The following PRB4 variants were observed in gnomAD, a reference collection of about 807,000 sequenced individuals.
PRB4 encodes the protein basic salivary proline-rich protein 4.
Under a neutral mutation model 9.1 loss-of-function variants are expected in PRB4, and 14 were observed. That is an observed-to-expected ratio of 1.54 (90% CI 1.02 to 2.41). The LOEUF is 2.41. Ranked by LOEUF, PRB4 falls within the 30% of genes most tolerant of loss-of-function variation. PRB4 has a pLI of 0.00. For synonymous variants in PRB4, 102 were observed against 108.5 expected (o/e 0.94, Z 0.37); for missense variants, 381 against 299.3 (o/e 1.27, Z -2.02).
chr12:11,309,428 T>C, intron 1 of PRB4, 23 bp from the exon 2 acceptor site: 2 of 1,614,054 alleles, frequency 1.2e-6, no homozygotes, highest in Non-Finnish European at 1.7e-6. Context: ...CACAGGATGA[T>C]GGGAAATGTT....
intron 2 of PRB4, 34 bp downstream of exon 2, chr12:11,309,336 A>G: frequency 6.2e-7 from 1 of 1,614,034 alleles, no homozygotes; most frequent in Non-Finnish European, 8.5e-7. Flanking sequence ...AGAAAAAGGG[A>G]GTCAAAACAG....
At chr12:11,309,435 T>G (rs1259767908) in intron 1 of PRB4, 30 bp from the exon 2 acceptor site, 37 of 1,613,930 alleles carry the variant, frequency 2.3e-5, no homozygotes, top group Non-Finnish European at 2.8e-5. Flanking sequence ...TGATGGGAAA[T>G]GTTACATCTC....
Position 11,308,288 on chromosome 12 carries a change from TGAG to T in PRB4, c.692_694del (p.Pro231del), listed in dbSNP as rs2136607216. ...GGCAGGTCTGGGTGGCCTGCCCCCTTGAGGAGGTGGAGGTGGCCCCTGGGGCTT... is the reference window on the plus strand; with the variant it reads ...GGCAGGTCTGGGTGGCCTGCCCCCTTGAGGTGGAGGTGGCCCCTGGGGCTT... On this transcript the variant is annotated inframe_deletion, in exon 3 of 4. Coordinates refer to ENST00000279575, the MANE Select transcript of PRB4 (RefSeq NM_002723.6). 1.2e-6 allele frequency: 2 copies of T among 1,609,130 alleles called. No individual in the cohort carries two copies. The highest frequency in any genetic ancestry group is 1.7e-6 in the Non-Finnish European group (2 of 1,177,818).
rs1248527024 is a variant in PRB4 at position 11,307,152 on chromosome 12, T to A, written c.*66A>T. ...GACCTTGTTCCAATGTCACGGCATTTGTAGCAATTGAATTATTTGAATTCA... is the reference window on the plus strand; with the variant it reads ...GACCTTGTTCCAATGTCACGGCATTAGTAGCAATTGAATTATTTGAATTCA... On this transcript the variant is annotated 3_prime_UTR_variant, in exon 4 of 4. Coordinates refer to ENST00000279575, the MANE Select transcript of PRB4 (RefSeq NM_002723.6). 1.6e-4 allele frequency: 25 copies of A among 154,028 alleles called. No homozygotes were observed. Among genetic ancestry groups the A allele is most frequent in the Non-Finnish European group, 1.5e-5 (1 of 68,036 alleles). 9.5% of individuals were successfully genotyped at this position (154,028 alleles called of 1,614,324 possible).
intron 3 of PRB4, among the ~76,000 whole-genome samples, chr12:11,307,922 G>T (rs894933752): frequency 3.3e-5 from 5 of 152,144 alleles, no homozygotes; most frequent in African/African-American, 1.2e-4. Flanking sequence ...TAAATGGGAG[G>T]TCTCTGAGTT....
In PRB4 at chr12:11,308,430, C is replaced by A; in HGVS notation, c.553G>T (p.Gly185Ter). 1 of 1,612,982 alleles carries A rather than the reference C, an allele frequency of 6.2e-7. No homozygotes were observed. Among genetic ancestry groups the A allele is most frequent in the Non-Finnish European group, 8.5e-7 (1 of 1,179,674 alleles). Residue 185 changes from glycine (G) to a stop codon, truncating the protein, a stop_gained, in exon 3 of 4, where the codon GGA becomes TGA. Transcript: ENST00000279575. LOFTEE classifies it low-confidence loss of function (END_TRUNC). ...TTGTTGCCTTCTTGTTGGGGTGGTCCTTGTGGCTTTCCTGGAGGAGATCGG... is the reference window on the plus strand; with the variant it reads ...TTGTTGCCTTCTTGTTGGGGTGGTCATTGTGGCTTTCCTGGAGGAGATCGG... Reference protein sequence around the residue: ...SARSPPGKPQGPPQQEGNKPQ... With the variant: ...SARSPPGKPQ
At chr12:11,308,924 C>A in intron 2 of PRB4, 42 bp from the exon 3 acceptor site, 1 of 1,611,672 alleles carries the variant, frequency 6.2e-7, no homozygotes, top group South Asian at 1.1e-5. Flanking sequence ...TGAATAGTTG[C>A]CACAAATTTT....
intron 2 of PRB4, 125 bp downstream of exon 2, chr12:11,309,245 C>T: frequency 6.6e-7 from 1 of 1,504,746 alleles, no homozygotes; most frequent in Non-Finnish European, 9.2e-7. Flanking sequence ...TTGCCTATAT[C>T]ATTAGGGGCA....
At chr12:11,307,545 G>C (rs923585246) in intron 3 of PRB4, among the ~76,000 whole-genome samples, 6 of 152,184 alleles carry the variant, frequency 3.9e-5, no homozygotes, top group Non-Finnish European at 7.3e-5. Context: ...TTAAAAAAAT[G>C]TATTTTTTAA....
intron 3 of PRB4, among the ~76,000 whole-genome samples, chr12:11,307,745 A>G (rs544408212): frequency 1.3e-5 from 2 of 152,176 alleles, no homozygotes; most frequent in African/African-American, 2.4e-5. Context: ...TTTCCATTCC[A>G]TTAGATATTT....
At chr12:11,309,843 G>T (rs1863012181) in intron 1 of PRB4, among the ~76,000 whole-genome samples, 1 of 152,128 alleles carries the variant, frequency 6.6e-6, no homozygotes, top group Admixed American at 6.5e-5. Context: ...TGCATGTAGG[G>T]GAGAGAAAAA....
Position 11,310,333 on chromosome 12 carries a change from AC to A in PRB4, c.64+1del. 6.2e-7 allele frequency: 1 copy of A among 1,614,076 alleles called. No homozygotes were observed. The highest frequency in any genetic ancestry group is 8.5e-7 in the Non-Finnish European group (1 of 1,180,000). ...CCGCATCTTTTCCCCCTTCTGTTTT[AC>A]CTTCACTTGAACTCTCAGCTGAGCT... On this transcript the variant is annotated splice_donor_variant, in intron 1 of 3. Transcript: ENST00000279575. LOFTEE classifies it high-confidence loss of function.
At chr12:11,308,956 G>A (rs1378755030) in intron 2 of PRB4, 74 bp from the exon 3 acceptor site, 23 of 1,578,184 alleles carry the variant, frequency 1.5e-5, no homozygotes, top group Non-Finnish European at 1.8e-5. Context: ...AGCTAAATGG[G>A]GAAATGCACA....
In PRB4 at chr12:11,310,080, C is replaced by A. The variant is rs529260214; in HGVS notation, c.64+255G>T. On this transcript the variant is annotated intron_variant, in intron 1 of 3. Coordinates refer to ENST00000279575, the MANE Select transcript of PRB4 (RefSeq NM_002723.6). ...CTTGCACTCTCCACTGCAGCCTTCACAGCACAGTTCTATCTCTATAAATTC... is the reference window on the plus strand; with the variant it reads ...CTTGCACTCTCCACTGCAGCCTTCAAAGCACAGTTCTATCTCTATAAATTC... Among the ~76,000 whole-genome samples the A allele has an allele frequency of 1.7e-3, 263 of 152,310 alleles. 1 individual carries two copies. Among genetic ancestry groups the A allele is most frequent in the South Asian group, 4.4e-3 (21 of 4,820 alleles).
chr12:11,308,223 G>A lies in PRB4; in HGVS notation c.*16C>T. The A allele has an allele frequency of 6.2e-7, 1 of 1,607,350 alleles. No individual in the cohort carries two copies. Among genetic ancestry groups the A allele is most frequent in the South Asian group, 1.1e-5 (1 of 89,824 alleles). On this transcript the variant is annotated splice_region_variant and 3_prime_UTR_variant, in exon 3 of 4. Coordinates refer to ENST00000279575, the MANE Select transcript of PRB4 (RefSeq NM_002723.6). ...TGAATAATAAAGTGGAATCATACCT[G>A]TCATTGAATCCTAGATTACTGGGGA...
rs1406690756 is a variant in PRB4 at position 11,308,724 on chromosome 12, T to C, written c.259A>G (p.Asn87Asp). ...TGAGGTGGGGGACCTTGGGACTGGTTGCCTCCTTGTGGGGGTCGTCCTTCT... is the reference window on the plus strand; with the variant it reads ...TGAGGTGGGGGACCTTGGGACTGGTCGCCTCCTTGTGGGGGTCGTCCTTCT... ...KPEGRPPQGGNQSQGPPPHPG... is the reference protein window; with the variant it reads ...KPEGRPPQGGDQSQGPPPHPG... Residue 87 changes from asparagine to aspartate, a missense_variant, in exon 3 of 4, where the codon AAC becomes GAC. Asn to Asp is a conservative substitution (Grantham distance 23). Around this residue, in one of 3 missense-constraint regions of PRB4, gnomAD observed 151 missense variants for 105.8 expected, o/e 1.43. Transcript: ENST00000279575. The C allele has an allele frequency of 6.2e-7, 1 of 1,610,912 alleles. No homozygotes were observed. Among genetic ancestry groups the C allele is most frequent in the Non-Finnish European group, 8.5e-7 (1 of 1,178,304 alleles).
chr12:11,307,810 G>A (rs923271305), intron 3 of PRB4, among the ~76,000 whole-genome samples: 1 of 152,108 alleles, frequency 6.6e-6, no homozygotes, highest in Non-Finnish European at 1.5e-5. Context: ...AAAGTGACAC[G>A]CCATTTAGCT....
chr12:11,310,234 C>T (rs1444342295), intron 1 of PRB4, 101 bp downstream of exon 1: 5 of 1,457,590 alleles, frequency 3.4e-6, no homozygotes, highest in East Asian at 4.5e-5. Context: ...GAAAACTCTG[C>T]AGCCCCATCT....
intron 3 of PRB4, among the ~76,000 whole-genome samples, chr12:11,307,514 T>C (rs1263404400): frequency 6.6e-6 from 1 of 152,202 alleles, no homozygotes; most frequent in East Asian, 1.9e-4. Context: ...GTAGTGACCT[T>C]CATAAACTGA....
Sources: allele counts gnomAD v4.1 joint callset (sites outside exome capture counted in the v4.1 genomes callset), GRCh38; gene constraint gnomAD v4.1.1; regional missense constraint gnomAD v4.1.1; transcripts MANE v1.5; gene names NCBI Gene and HGNC (gene_info 2026-07-23, HGNC 2026-07-21).